Variants in FKBP9 observed in about 807,000 individuals in gnomAD.
FKBP9 encodes the protein FKBP prolyl isomerase 9.
Under a neutral mutation model 55.6 loss-of-function variants are expected in FKBP9, and 27 were observed. That is an observed-to-expected ratio of 0.49 (90% CI 0.36 to 0.67). The LOEUF is 0.67. Ranked by LOEUF, FKBP9 falls within the 30% of genes least tolerant of loss-of-function variation. The probability of loss-of-function intolerance (pLI) is 0.00; values close to 1 mark genes in which losing one functional copy is unlikely to be tolerated. For synonymous variants in FKBP9, 267 were observed against 296.5 expected (o/e 0.90, Z 1.02); for missense variants, 539 against 742.8 (o/e 0.73, Z 3.19).
At chr7:32,967,922 T>C (rs937385692) in intron 1 of FKBP9, among the ~76,000 whole-genome samples, 2 of 152,082 alleles carry the variant, frequency 1.3e-5, no homozygotes, top group African/African-American at 4.8e-5. Flanking sequence ...GCCCAGCTGA[T>C]TTTTGTATTT....
At chr7:32,963,342 T>A (rs973963940) in intron 1 of FKBP9, among the ~76,000 whole-genome samples, 2 of 149,492 alleles carry the variant, frequency 1.3e-5, no homozygotes, top group African/African-American at 4.9e-5. Context: ...ACTTTGGTAT[T>A]TTTTTTTTTC....
At position 32,963,799 on chromosome 7, in the gene FKBP9, G is replaced by A. The variant is rs1454740790; in HGVS notation, c.221+6005G>A. The A allele has an allele frequency of 5.6e-6, 7 of 1,240,066 alleles. No individual in the cohort carries two copies. In the Admixed American group the frequency reaches 1.2e-4, roughly 22 times the overall value. 76.8% of individuals were successfully genotyped at this position (1,240,066 alleles called of 1,614,324 possible). ...AATAAGCTCCCCATGCTGCACACAT[G>A]ACCTCTGGGATCCAGCACCAGCGCC... On this transcript the variant is annotated intron_variant, in intron 1 of 9. Transcript: ENST00000242209.
chr7:32,974,720 G>T lies in FKBP9; in HGVS notation c.325G>T (p.Val109Leu). 1.2e-6 allele frequency: 2 copies of T among 1,613,914 alleles called. No individual in the cohort carries two copies. The highest frequency in any genetic ancestry group is 1.7e-6 in the Non-Finnish European group (2 of 1,179,824). ...VGMCVNERRFVKIPPKLAYGN... is the reference protein window; with the variant it reads ...VGMCVNERRFLKIPPKLAYGN... ...GATGTGCGTAAACGAGAGACGTTTCGTGAAGATTCCCCCAAAGCTTGCCTA... is the reference window on the plus strand; with the variant it reads ...GATGTGCGTAAACGAGAGACGTTTCTTGAAGATTCCCCCAAAGCTTGCCTA... Residue 109 changes from valine (V) to leucine (L), a missense_variant, in exon 2 of 10, where the codon GTG becomes TTG. This residue lies in a region of FKBP9 where 236 missense variants were observed against 271.5 expected (regional missense o/e 0.87). Coordinates refer to ENST00000242209, the MANE Select transcript of FKBP9 (RefSeq NM_007270.5).
intron 1 of FKBP9, among the ~76,000 whole-genome samples, chr7:32,968,166 G>A (rs1284936003): frequency 6.6e-6 from 1 of 152,168 alleles, no homozygotes; most frequent in Non-Finnish European, 1.5e-5. Context: ...AACCTCCCGA[G>A]TACCTGGGAC....
intron 5 of FKBP9, among the ~76,000 whole-genome samples, chr7:32,987,107 T>G (rs1784593366): frequency 6.6e-6 from 1 of 151,716 alleles, no homozygotes; most frequent in African/African-American, 2.4e-5. Flanking sequence ...GGTGGCGGGG[T>G]GAGCAGGGGT....
rs552344915 is a variant in FKBP9, at chr7:32,987,235, G to A, written c.894-1272G>A. Among the ~76,000 whole-genome samples, 1,284 of 152,280 alleles carry A rather than the reference G, an allele frequency of 8.4e-3. 22 individuals are homozygous for A. Among genetic ancestry groups the A allele is most frequent in the African/African-American group, 0.03 (1,228 of 41,566 alleles). On this transcript the variant is annotated intron_variant, in intron 5 of 9. Transcript: ENST00000242209. ...TGTCAGGCTGGGTGCTGTGGCTCAA[G>A]CCTGTAATTCCACACTTTCGGAGGC...
intron 6 of FKBP9, among the ~76,000 whole-genome samples, chr7:32,995,775 C>T (rs1266749491): frequency 6.6e-6 from 1 of 152,124 alleles, no homozygotes; most frequent in African/African-American, 2.4e-5. Context: ...TCTCACCCCA[C>T]CTCTTACTTC....
chr7:32,990,816 T>A (rs528191196), intron 6 of FKBP9, among the ~76,000 whole-genome samples: 1 of 152,378 alleles, frequency 6.6e-6, no homozygotes, highest in East Asian at 1.9e-4. Context: ...TCTGTTCTGT[T>A]TTTTTGTTGA....
intron 1 of FKBP9, among the ~76,000 whole-genome samples, chr7:32,968,341 G>T (rs902431323): frequency 2.6e-5 from 4 of 152,038 alleles, no homozygotes; most frequent in African/African-American, 9.7e-5. Context: ...CAGTTCTTTT[G>T]GGTATACACC....
At chr7:32,976,118 A>C (rs1022212502) in intron 3 of FKBP9, among the ~76,000 whole-genome samples, 1 of 152,204 alleles carries the variant, frequency 6.6e-6, no homozygotes, top group Non-Finnish European at 1.5e-5. Context: ...GTGTTTGATT[A>C]GTGGAATAGC....
At position 32,988,621 on chromosome 7, in the gene FKBP9, G is replaced by T. The variant is rs200601982; in HGVS notation, c.1008G>T (p.Pro336=). ...CIGEKRRIVV[P]PHLGYGEEGR... ...GAGAAAAGCGAAGGATTGTGGTCCCGCCTCACCTGGGGTATGGAGAGGAAG... is the reference window on the plus strand; with the variant it reads ...GAGAAAAGCGAAGGATTGTGGTCCCTCCTCACCTGGGGTATGGAGAGGAAG... The change falls in exon 6 of 10, where the codon CCG becomes CCT. Residue 336 remains proline, a synonymous_variant. Coordinates refer to ENST00000242209, the MANE Select transcript of FKBP9 (RefSeq NM_007270.5). 2.2e-5 allele frequency: 36 copies of T among 1,613,824 alleles called. No individual in the cohort carries two copies. The highest frequency in any genetic ancestry group is 2.9e-5 in the Non-Finnish European group (34 of 1,179,862).
chr7:33,004,153 G>C (rs1784985676), intron 9 of FKBP9, among the ~76,000 whole-genome samples: 1 of 151,994 alleles, frequency 6.6e-6, no homozygotes, highest in Non-Finnish European at 1.5e-5. Flanking sequence ...AGCACACACA[G>C]AACCTGACGC....
At chr7:32,976,730 A>G (rs1356960804) in intron 4 of FKBP9, among the ~76,000 whole-genome samples, 5 of 152,322 alleles carry the variant, frequency 3.3e-5, no homozygotes, top group African/African-American at 9.6e-5. Flanking sequence ...GCTGAGGACC[A>G]CCATAGTGGA....
chr7:32,957,880 C>T lies in FKBP9; in HGVS notation c.221+86C>T. ...GCCTTTCCCTCCTGCCGGACCTCCC[C>T]TAGCTCCGCCCCGTGCAGCCGCGCT... is the stretch of plus-strand genomic sequence containing the variant. On this transcript the variant is annotated intron_variant, in intron 1 of 9. Coordinates refer to ENST00000242209, the MANE Select transcript of FKBP9 (RefSeq NM_007270.5). The T allele has an allele frequency of 2.9e-6, 3 of 1,023,172 alleles. No individual in the cohort carries two copies. The Admixed American group carries it at 1.2e-4, about 42-fold the overall frequency. The allele number at this position is 1,023,172 out of a possible 1,614,324, so 63.4% of individuals were successfully genotyped here. A position where few individuals can be genotyped will look rare whatever the true frequency, so the allele number is the denominator to read the frequency against.
rs575507146 is a variant in FKBP9, at chr7:32,963,740, G to C, written c.221+5946G>C. On this transcript the variant is annotated intron_variant, in intron 1 of 9. Transcript: ENST00000242209. Reference sequence around the variant, plus strand: ...CTCTCTCCAAGGGGTTGCAAACGGGGCTTCATTCTCTCCCACTAGAAAAAG... The same window carrying C: ...CTCTCTCCAAGGGGTTGCAAACGGGCCTTCATTCTCTCCCACTAGAAAAAG... 1.0e-5 allele frequency: 13 copies of C among 1,290,916 alleles called. No homozygotes were observed. In the African/African-American group the frequency reaches 1.8e-4, roughly 18 times the overall value. The allele number at this position is 1,290,916 out of a possible 1,614,324, so 80.0% of individuals were successfully genotyped here. A position where few individuals can be genotyped will look rare whatever the true frequency, so the allele number is the denominator to read the frequency against.
chr7:32,972,725 C>A (rs1174247882), intron 1 of FKBP9, among the ~76,000 whole-genome samples: 2 of 152,076 alleles, frequency 1.3e-5, no homozygotes, highest in Non-Finnish European at 2.9e-5. Flanking sequence ...TGTTCCCCCC[C>A]CACCCTTTTT....
chr7:32,997,388 A>C (rs1044423745), intron 7 of FKBP9, among the ~76,000 whole-genome samples: 1 of 150,700 alleles, frequency 6.6e-6, no homozygotes. Flanking sequence ...AATTTTTAAA[A>C]TTTTTTTAGA....
At chr7:32,991,438 A>G (rs775894042) in intron 6 of FKBP9, among the ~76,000 whole-genome samples, 1 of 152,156 alleles carries the variant, frequency 6.6e-6, no homozygotes, top group Non-Finnish European at 1.5e-5. Flanking sequence ...TGGGGGTTAC[A>G]TAGGAGCTCG....
intron 6 of FKBP9, chr7:32,992,819 A>G (rs1784710987): frequency 8.7e-6 from 2 of 228,592 alleles, no homozygotes; most frequent in South Asian, 3.6e-4. Context: ...AAAGAAACAC[A>G]AACAAAACTT....
Sources: allele counts gnomAD v4.1 joint callset (sites outside exome capture counted in the v4.1 genomes callset), GRCh38; gene constraint gnomAD v4.1.1; regional missense constraint gnomAD v4.1.1; transcripts MANE v1.5; gene names NCBI Gene and HGNC (gene_info 2026-07-23, HGNC 2026-07-21).